Variants in TTYH1 observed in about 807,000 individuals in gnomAD.
TTYH1 encodes protein tweety homolog 1.
A neutral mutation model predicts 61.2 loss-of-function variants in TTYH1; 33 were observed. That is an observed-to-expected ratio of 0.54 (90% CI 0.41 to 0.72). The LOEUF (loss-of-function observed/expected upper bound fraction) is 0.72, where lower values mean the gene tolerates loss of function less well. Ranked by LOEUF, TTYH1 falls within the 30% of genes least tolerant of loss-of-function variation. The pLI is 0.00. For synonymous variants in TTYH1, 308 were observed against 266.4 expected, an observed-to-expected ratio of 1.16 and a Z score of -1.52; for missense variants, 538 against 575.8, an observed-to-expected ratio of 0.93 and a Z score of 0.67.
chr19:54,422,229 A>G lies in TTYH1; in HGVS notation c.457A>G (p.Thr153Ala), dbSNP rs749596891. 8 of 1,567,052 alleles carry G rather than the reference A, an allele frequency of 5.1e-6. No homozygotes were observed. In the South Asian group the frequency reaches 8.2e-5, roughly 16 times the overall value. The change falls in exon 4 of 14, where the codon ACA (threonine) becomes GCA (alanine). Residue 153 changes from threonine (T) to alanine (A), a missense_variant. Coordinates refer to ENST00000376530, the MANE Select transcript of TTYH1 (RefSeq NM_020659.4). ...TVERLGEAVR[T>A]ELTTLEEVLE... Reference sequence around the variant, plus strand: ...GGAGAGGCTGGGCGAGGCGGTGAGGACAGAGCTGACCACCCTGGAGGAGGT... The same window carrying G: ...GGAGAGGCTGGGCGAGGCGGTGAGGGCAGAGCTGACCACCCTGGAGGAGGT...
intron 4 of TTYH1, 21 bp downstream of exon 4, chr19:54,422,431 C>T (rs778111298): frequency 6.7e-7 from 1 of 1,493,946 alleles, no homozygotes; most frequent in Non-Finnish European, 9.0e-7. Context: ...GCTCTTCTTG[C>T]TCTCTGTGCC....
At chr19:54,431,034 G>A in intron 9 of TTYH1, 65 bp from the exon 10 acceptor site, 1 of 1,523,312 alleles carries the variant, frequency 6.6e-7, no homozygotes, top group Non-Finnish European at 9.1e-7. Context: ...GGGACGCAGG[G>A]CGGGGCCAGG....
chr19:54,435,455 C>A, intron 10 of TTYH1, 87 bp from the exon 11 acceptor site: 1 of 1,480,440 alleles, frequency 6.8e-7, no homozygotes, highest in Non-Finnish European at 9.0e-7. Flanking sequence ...AGTACCACAG[C>A]CGGGAGGACG....
At position 54,421,915 on chromosome 19, in the gene TTYH1, G is replaced by C. The variant is rs568882549; in HGVS notation, c.418-275G>C. On this transcript the variant is annotated intron_variant, in intron 3 of 13. Coordinates refer to ENST00000376530, the MANE Select transcript of TTYH1 (RefSeq NM_020659.4). The surrounding 1 kb of genome is among the most constrained non-coding windows in gnomAD (Gnocchi z 4.8). ...GGCAGATGAAAACTTCAGACCTAAAGCTCCACACTTAATCTCAGTCCTGGG... is the reference window on the plus strand; with the variant it reads ...GGCAGATGAAAACTTCAGACCTAAACCTCCACACTTAATCTCAGTCCTGGG... 4.9e-4 allele frequency among the ~76,000 whole-genome samples: 75 copies of C among 152,104 alleles called. No individual in the cohort carries two copies. Among genetic ancestry groups the C allele is most frequent in the Non-Finnish European group, 9.7e-4 (66 of 68,004 alleles).
Position 54,420,711 on chromosome 19 carries a change from C to T in TTYH1, c.306-566C>T, listed in dbSNP as rs186612528. 1,258 of 168,472 alleles carry T rather than the reference C, an allele frequency of 7.5e-3. 14 individuals are homozygous for T. Among genetic ancestry groups the T allele is most frequent in the African/African-American group, 0.028 (1,179 of 41,568 alleles). 10.4% of individuals were successfully genotyped at this position (168,472 alleles called of 1,614,324 possible). A position where few individuals can be genotyped will look rare whatever the true frequency, so the allele number is the denominator to read the frequency against. On this transcript the variant is annotated intron_variant, in intron 2 of 13. Transcript: ENST00000376530. This position sits in a 1 kb window ranked among gnomAD's most constrained non-coding sequence, Gnocchi z 4.8. ...CCCAGCTGGCCCGACGCTTGGGTCC[C>T]GGGTGGGGGAAGGCCGAGAGCTCCA...
chr19:54,435,497 G>A (rs781300197), intron 10 of TTYH1, 45 bp from the exon 11 acceptor site: 3 of 1,552,554 alleles, frequency 1.9e-6, no homozygotes, highest in Non-Finnish European at 2.6e-6. Context: ...TGTGCCGATG[G>A]GGGAGGGGGT....
chr19:54,415,686 C>A lies in TTYH1; in HGVS notation c.126+8C>A, dbSNP rs2083061454. 1.3e-6 allele frequency: 2 copies of A among 1,544,496 alleles called. No individual in the cohort carries two copies. Among genetic ancestry groups the A allele is most frequent in the Non-Finnish European group, 1.7e-6 (2 of 1,152,622 alleles). On this transcript the variant is annotated splice_region_variant and intron_variant, in intron 1 of 13. Transcript: ENST00000376530. The surrounding 1 kb of genome is among the most constrained non-coding windows in gnomAD (Gnocchi z 5.2). ...GAGCAGGAATACCAGCAGGTGGGAC[C>A]GGGCGCCAGGGCCTGGGGGCCAGGG... is the stretch of plus-strand genomic sequence containing the variant.
chr19:54,417,601 C>T (rs931659745), intron 1 of TTYH1, among the ~76,000 whole-genome samples: 3 of 144,806 alleles, frequency 2.1e-5, no homozygotes, highest in Non-Finnish European at 4.5e-5. Flanking sequence ...TAAGCATTTA[C>T]TCCCATATAC....
intron 5 of TTYH1, among the ~76,000 whole-genome samples, chr19:54,427,260 T>C (rs1217493995): frequency 6.8e-5 from 6 of 88,722 alleles, no homozygotes; most frequent in Admixed American, 1.5e-4. Context: ...TCACACACCA[T>C]TGCACTCCAG....
chr19:54,426,200 TAAG>T (rs998495377), intron 4 of TTYH1, among the ~76,000 whole-genome samples: 11 of 152,182 alleles, frequency 7.2e-5, no homozygotes, highest in Admixed American at 5.9e-4. Flanking sequence ...AACGAGAGGC[TAAG>T]GTTACCGAGA....
At chr19:54,424,718 G>A (rs897383823) in intron 4 of TTYH1, among the ~76,000 whole-genome samples, 2 of 152,188 alleles carry the variant, frequency 1.3e-5, no homozygotes, top group African/African-American at 2.4e-5. Context: ...GGAGTCCCTC[G>A]ACAGACAAAT....
At chr19:54,427,371 C>T (rs1374866862) in intron 5 of TTYH1, among the ~76,000 whole-genome samples, 3 of 146,914 alleles carry the variant, frequency 2.0e-5, no homozygotes, top group Admixed American at 6.9e-5. Context: ...TTTGGGAGGC[C>T]GAGGAGGGCG....
At chr19:54,422,698 G>T (rs1438691179) in intron 4 of TTYH1, among the ~76,000 whole-genome samples, 1 of 152,008 alleles carries the variant, frequency 6.6e-6, no homozygotes, top group Non-Finnish European at 1.5e-5. Flanking sequence ...GGAGGCCAAG[G>T]TGGGTGGATC....
chr19:54,427,298 C>CA (rs752663363), intron 5 of TTYH1, among the ~76,000 whole-genome samples: 312 of 15,394 alleles, frequency 0.02, 25 homozygotes, highest in Admixed American at 0.068. Flanking sequence ...CACTCCATCT[C>CA]AAAAAAAAAA....
At chr19:54,424,163 A>C (rs2083277207) in intron 4 of TTYH1, among the ~76,000 whole-genome samples, 1 of 151,728 alleles carries the variant, frequency 6.6e-6, no homozygotes, top group Non-Finnish European at 1.5e-5. Flanking sequence ...TCCGTCTTAA[A>C]AAAAAAAAAA....
At chr19:54,418,791 T>G (rs1189720235) in intron 1 of TTYH1, 2 of 173,098 alleles carry the variant, frequency 1.2e-5, no homozygotes, top group Non-Finnish European at 2.4e-5. Context: ...AAAACCTCCA[T>G]TCCAACTGCT....
Position 54,415,495 on chromosome 19 carries a change from G to A in TTYH1, c.-58G>A. ...ACCCCGCGCCGCCCGCGCCCCGCTC[G>A]ACTCCGGAGGCTCCCGCAGCCCCGG... On this transcript the variant is annotated 5_prime_UTR_variant, in exon 1 of 14. Transcript: ENST00000376530. The surrounding 1 kb of genome is among the most constrained non-coding windows in gnomAD (Gnocchi z 5.2). 2 of 1,235,458 alleles carry A rather than the reference G, an allele frequency of 1.6e-6. No homozygotes were observed. The highest frequency in any genetic ancestry group is 2.3e-5 in the South Asian group (1 of 44,168). The allele number at this position is 1,235,458 out of a possible 1,614,324, so 76.5% of individuals were successfully genotyped here. A position where few individuals can be genotyped will look rare whatever the true frequency, so the allele number is the denominator to read the frequency against.
chr19:54,429,416 CAG>C lies in TTYH1; in HGVS notation c.807+38_807+39del, dbSNP rs747461963. The C allele has an allele frequency of 1.9e-6, 3 of 1,595,640 alleles. No homozygotes were observed. The highest frequency in any genetic ancestry group is 2.2e-5 in the South Asian group (2 of 90,708). Reference sequence around the variant, plus strand: ...GGCCGGGCCATTGGGCTCTGGGACTCAGGGGGCCTGGAGACTTCAACTTCTGG... The same window carrying C: ...GGCCGGGCCATTGGGCTCTGGGACTCGGGGCCTGGAGACTTCAACTTCTGG... On this transcript the variant is annotated intron_variant, in intron 6 of 13. Coordinates refer to ENST00000376530, the MANE Select transcript of TTYH1 (RefSeq NM_020659.4). This position sits in a 1 kb window ranked among gnomAD's most constrained non-coding sequence, Gnocchi z 5.1.
chr19:54,422,487 G>A (rs1253566814), intron 4 of TTYH1, 77 bp downstream of exon 4: 2 of 1,319,176 alleles, frequency 1.5e-6, no homozygotes, highest in Non-Finnish European at 2.1e-6. Flanking sequence ...GGCAATGCCT[G>A]GAGGCAGTTT....
Sources: gnomAD v4.1 joint callset for allele counts (sites outside exome capture counted in the v4.1 genomes callset) on GRCh38, gnomAD v4.1.1 for gene constraint, Gnocchi (gnomAD v3.1) non-coding constraint, MANE v1.5 for transcripts, NCBI Gene and HGNC (gene_info 2026-07-23, HGNC 2026-07-21) for gene names.